The following SRF variants were observed in gnomAD, a reference collection of about 807,000 sequenced individuals.
SRF encodes the protein c-fos serum response element-binding transcription factor.
SRF carries 7 observed loss-of-function variants against 37.1 expected under a neutral mutation model. The observed-to-expected ratio is 0.19, with a 90% confidence interval of 0.11 to 0.35. The LOEUF is 0.35. Among genes scored for constraint, SRF ranks in the 10% least tolerant of loss-of-function variants. The probability of loss-of-function intolerance (pLI) is 1.00; values close to 1 mark genes in which losing one functional copy is unlikely to be tolerated. For synonymous variants in SRF, 285 were observed against 310.1 expected (o/e 0.92, Z 0.85); for missense variants, 395 against 694.4 (o/e 0.57, Z 4.85).
In SRF at chr6:43,172,462, G is replaced by A. The variant is rs892350487; in HGVS notation, c.513+293G>A. On this transcript the variant is annotated intron_variant, in intron 1 of 6. Coordinates refer to ENST00000265354, the MANE Select transcript of SRF (RefSeq NM_003131.4). This position sits in a 1 kb window ranked among gnomAD's most constrained non-coding sequence, Gnocchi z 5.7. ...TTGCTGAGTGAAGGGGTGAGGAGCG[G>A]TGATGGGAGGCTACGAGGCTGCCGG... 40 of 985,278 alleles carry A rather than the reference G, an allele frequency of 4.1e-5. No homozygotes were observed. The highest frequency in any genetic ancestry group is 6.1e-5 in the Admixed American group (1 of 16,262). The allele number at this position is 985,278 out of a possible 1,614,324, so 61.0% of individuals were successfully genotyped here. A position where few individuals can be genotyped will look rare whatever the true frequency, so the allele number is the denominator to read the frequency against.
rs984062462 is a variant in SRF at position 43,180,921 on chromosome 6, G to C, written c.*1731G>C. On this transcript the variant is annotated 3_prime_UTR_variant, in exon 7 of 7. Transcript: ENST00000265354. ...TCATTGCTGTCTTGCCCCAGTTTGG[G>C]GTGCCAAGATGGAAGTCACCTTTCT... 2.0e-5 allele frequency: 3 copies of C among 152,390 alleles called. No homozygotes were observed. The highest frequency in any genetic ancestry group is 2.9e-5 in the Non-Finnish European group (2 of 68,068). 9.4% of individuals were successfully genotyped at this position (152,390 alleles called of 1,614,324 possible). A position where few individuals can be genotyped will look rare whatever the true frequency, so the allele number is the denominator to read the frequency against.
chr6:43,171,712 G>C lies in SRF; in HGVS notation c.56G>C (p.Gly19Ala). The C allele has an allele frequency of 8.3e-7, 1 of 1,206,016 alleles. No homozygotes were observed. The highest frequency in any genetic ancestry group is 3.4e-5 in the East Asian group (1 of 29,266). 74.7% of individuals were successfully genotyped at this position (1,206,016 alleles called of 1,614,324 possible). Reference sequence around the variant, plus strand: ...GCTCTGGGCCGGGGCTCGGCCCTGGGGGGCAGCCTGAACCGGACCCCGACG... The same window carrying C: ...GCTCTGGGCCGGGGCTCGGCCCTGGCGGGCAGCCTGAACCGGACCCCGACG... ...AAALGRGSALGGSLNRTPTGR... is the reference protein window; with the variant it reads ...AAALGRGSALAGSLNRTPTGR... Residue 19 changes from glycine to alanine, a missense_variant, in exon 1 of 7, where the codon GGG becomes GCG. This residue lies in a region of SRF where 134 missense variants were observed against 204.5 expected (regional missense o/e 0.66). Transcript: ENST00000265354. This position sits in a 1 kb window ranked among gnomAD's most constrained non-coding sequence, Gnocchi z 6.5.
At position 43,178,270 on chromosome 6, in the gene SRF, C is replaced by T; in HGVS notation, c.1163-24C>T. On this transcript the variant is annotated intron_variant, in intron 4 of 6. Transcript: ENST00000265354. The surrounding 1 kb of genome is among the most constrained non-coding windows in gnomAD (Gnocchi z 4.3). ...GTTATCAGTGGGGACCAGTGCCGAG[C>T]TGACACATGTCTGTGTTTGCCAGTG... 6.3e-7 allele frequency: 1 copy of T among 1,577,470 alleles called. No individual in the cohort carries two copies. The highest frequency in any genetic ancestry group is 8.7e-7 in the Non-Finnish European group (1 of 1,154,990).
intron 2 of SRF, 83 bp downstream of exon 2, chr6:43,174,196 C>T: frequency 2.0e-6 from 3 of 1,527,558 alleles, no homozygotes; most frequent in Non-Finnish European, 2.7e-6. Context: ...GGATAGGTGC[C>T]CACCGATGTG....
In SRF at chr6:43,171,870, G is replaced by T. The variant is rs1434849307; in HGVS notation, c.214G>T (p.Ala72Ser). The T allele has an allele frequency of 1.5e-6, 2 of 1,336,086 alleles. No homozygotes were observed. Among genetic ancestry groups the T allele is most frequent in the African/African-American group, 3.1e-5 (2 of 64,750 alleles). The allele number at this position is 1,336,086 out of a possible 1,614,324, so 82.8% of individuals were successfully genotyped here. The change falls in exon 1 of 7, where the codon GCG (alanine) becomes TCG (serine). Residue 72 changes from alanine (A) to serine (S), a missense_variant. This residue lies in a region of SRF where 134 missense variants were observed against 204.5 expected (regional missense o/e 0.66). Coordinates refer to ENST00000265354, the MANE Select transcript of SRF (RefSeq NM_003131.4). The surrounding 1 kb of genome is among the most constrained non-coding windows in gnomAD (Gnocchi z 6.5). ...AAAATTPAPTAGALYSGSEGD... is the reference protein window; with the variant it reads ...AAAATTPAPTSGALYSGSEGD... Reference sequence around the variant, plus strand: ...GGCGGCAACCACCCCGGCGCCCACCGCGGGGGCCCTCTACAGCGGCAGCGA... The same window carrying T: ...GGCGGCAACCACCCCGGCGCCCACCTCGGGGGCCCTCTACAGCGGCAGCGA...
rs1037587996 is a variant in SRF at position 43,180,623 on chromosome 6, C to A, written c.*1433C>A. On this transcript the variant is annotated 3_prime_UTR_variant, in exon 7 of 7. Transcript: ENST00000265354. ...GGCCATGCCCCACCCCCCTCCTCCC[C>A]CTTTGGGGTAGACCTTGAGGGTGGG... 1 of 152,702 alleles carries A rather than the reference C, an allele frequency of 6.5e-6. No individual in the cohort carries two copies. The highest frequency in any genetic ancestry group is 2.1e-4 in the South Asian group (1 of 4,826). The allele number at this position is 152,702 out of a possible 1,614,324, so 9.5% of individuals were successfully genotyped here.
intron 2 of SRF, among the ~76,000 whole-genome samples, chr6:43,174,935 G>T (rs557741168): frequency 6.6e-6 from 1 of 152,312 alleles, no homozygotes; most frequent in South Asian, 2.1e-4. Context: ...GAGAGTCAGT[G>T]CTGTAGGCTA....
At chr6:43,175,499 G>C (rs572040989) in intron 2 of SRF, among the ~76,000 whole-genome samples, 3 of 152,128 alleles carry the variant, frequency 2.0e-5, no homozygotes, top group Non-Finnish European at 4.4e-5. Flanking sequence ...AGCAACCTAG[G>C]GGGTAGGTAT....
rs1452866898 is a variant in SRF at position 43,178,306 on chromosome 6, C to G, written c.1175C>G (p.Ala392Gly). Residue 392 changes from alanine to glycine, a missense_variant, in exon 5 of 7, where the codon GCC (alanine) becomes GGC (glycine). Coordinates refer to ENST00000265354, the MANE Select transcript of SRF (RefSeq NM_003131.4). This position sits in a 1 kb window ranked among gnomAD's most constrained non-coding sequence, Gnocchi z 4.3. The stretch of plus-strand genomic sequence containing the variant: ...CTGTGTTTGCCAGTGACGCTGCCCG[C>G]CACCATCATGACGTCATCCGTGCCC... ...TSSSGTVTLP[A>G]TIMTSSVPTT... 6.3e-7 allele frequency: 1 copy of G among 1,598,512 alleles called. No homozygotes were observed. Among genetic ancestry groups the G allele is most frequent in the Non-Finnish European group, 8.6e-7 (1 of 1,167,586 alleles).
chr6:43,171,838 C>A lies in SRF; in HGVS notation c.182C>A (p.Ala61Glu). The A allele has an allele frequency of 7.9e-7, 1 of 1,259,594 alleles. No homozygotes were observed. The highest frequency in any genetic ancestry group is 1.0e-6 in the Non-Finnish European group (1 of 1,004,138). 78.0% of individuals were successfully genotyped at this position (1,259,594 alleles called of 1,614,324 possible). Residue 61 changes from alanine (A) to glutamate (E), a missense_variant, in exon 1 of 7, where the codon GCG becomes GAG. Transcript: ENST00000265354. This position sits in a 1 kb window ranked among gnomAD's most constrained non-coding sequence, Gnocchi z 6.5. ...CCCGGCCGCCTGGAGCGGGAGGCTG[C>A]GGCAGCGGCGGCAACCACCCCGGCG... ...LGPGRLEREA[A>E]AAAATTPAPT...
rs1772268237 is a variant in SRF at position 43,179,488 on chromosome 6, A to T, written c.*298A>T. The T allele has an allele frequency of 2.3e-6, 1 of 442,760 alleles. No individual in the cohort carries two copies. The highest frequency in any genetic ancestry group is 4.2e-6 in the Non-Finnish European group (1 of 237,018). The allele number at this position is 442,760 out of a possible 1,614,324, so 27.4% of individuals were successfully genotyped here. ...TGGCTCGATGTTTGCCATGAGTATT[A>T]GCTTACCCAATGGGACCGTGCCCCA... is the stretch of plus-strand genomic sequence containing the variant. On this transcript the variant is annotated 3_prime_UTR_variant, in exon 7 of 7. Transcript: ENST00000265354. This position sits in a 1 kb window ranked among gnomAD's most constrained non-coding sequence, Gnocchi z 5.3.
chr6:43,178,890 G>A lies in SRF; in HGVS notation c.1431+8G>A. The stretch of plus-strand genomic sequence containing the variant: ...GCAGTTCAGCTCCACCAGGTAGGTA[G>A]GGATATCTTTCACCCCATCCCAGAT... On this transcript the variant is annotated splice_region_variant and intron_variant, in intron 6 of 6. Transcript: ENST00000265354. This position sits in a 1 kb window ranked among gnomAD's most constrained non-coding sequence, Gnocchi z 4.3. 2 of 1,613,954 alleles carry A rather than the reference G, an allele frequency of 1.2e-6. No homozygotes were observed. Among genetic ancestry groups the A allele is most frequent in the Non-Finnish European group, 8.5e-7 (1 of 1,179,812 alleles).
chr6:43,178,237 G>A lies in SRF; in HGVS notation c.1163-57G>A. 1 of 1,518,658 alleles carries A rather than the reference G, an allele frequency of 6.6e-7. No individual in the cohort carries two copies. Among genetic ancestry groups the A allele is most frequent in the East Asian group, 2.4e-5 (1 of 42,552 alleles). The allele number at this position is 1,518,658 out of a possible 1,614,324, so 94.1% of individuals were successfully genotyped here. A position where few individuals can be genotyped will look rare whatever the true frequency, so the allele number is the denominator to read the frequency against. On this transcript the variant is annotated intron_variant, in intron 4 of 6. Coordinates refer to ENST00000265354, the MANE Select transcript of SRF (RefSeq NM_003131.4). This position sits in a 1 kb window ranked among gnomAD's most constrained non-coding sequence, Gnocchi z 4.3. The stretch of plus-strand genomic sequence containing the variant: ...TGGGGGCCTGGAATTCCTAGGGACG[G>A]AATGGGAGTTATCAGTGGGGACCAG...
intron 4 of SRF, among the ~76,000 whole-genome samples, chr6:43,177,858 T>A (rs531069766): frequency 1.4e-5 from 2 of 142,686 alleles, no homozygotes; most frequent in African/African-American, 5.3e-5. Flanking sequence ...GAGCTTGCAG[T>A]GAGCCAAGAT....
In SRF at chr6:43,172,388, G is replaced by A; in HGVS notation, c.513+219G>A. On this transcript the variant is annotated intron_variant, in intron 1 of 6. Transcript: ENST00000265354. The surrounding 1 kb of genome is among the most constrained non-coding windows in gnomAD (Gnocchi z 5.7). ...ATCCCGCGAACGCTCGCAACCGTGGGGAAAGGCGCAGAGGTGGGAGTGACC... is the reference window on the plus strand; with the variant it reads ...ATCCCGCGAACGCTCGCAACCGTGGAGAAAGGCGCAGAGGTGGGAGTGACC... The A allele has an allele frequency of 3.0e-6, 3 of 985,398 alleles. No homozygotes were observed. Among genetic ancestry groups the A allele is most frequent in the Non-Finnish European group, 3.6e-6 (3 of 829,924 alleles). 61.0% of individuals were successfully genotyped at this position (985,398 alleles called of 1,614,324 possible).
At position 43,180,223 on chromosome 6, in the gene SRF, C is replaced by T. The variant is rs1772285142; in HGVS notation, c.*1033C>T. 6.7e-6 allele frequency: 1 copy of T among 149,800 alleles called. No homozygotes were observed. Among genetic ancestry groups the T allele is most frequent in the Non-Finnish European group, 1.5e-5 (1 of 68,016 alleles). 9.3% of individuals were successfully genotyped at this position (149,800 alleles called of 1,614,324 possible). On this transcript the variant is annotated 3_prime_UTR_variant, in exon 7 of 7. Coordinates refer to ENST00000265354, the MANE Select transcript of SRF (RefSeq NM_003131.4). ...CTGGGCCTCTTTTTGCCCTTTAGGG[C>T]TGTTGCTAGGGAGAGGGAAGAGGGA...
chr6:43,173,984 C>G lies in SRF; in HGVS notation c.651C>G (p.Thr217=). 1 of 1,614,166 alleles carries G rather than the reference C, an allele frequency of 6.2e-7. No individual in the cohort carries two copies. The highest frequency in any genetic ancestry group is 8.5e-7 in the Non-Finnish European group (1 of 1,180,024). The stretch of plus-strand genomic sequence containing the variant: ...AGACCGGCAAGGCACTGATTCAGAC[C>G]TGCCTCAACTCGCCAGACTCTCCAC... ...TSETGKALIQ[T]CLNSPDSPPR... The change falls in exon 2 of 7, where the codon ACC becomes ACG. Residue 217 remains threonine, a synonymous_variant. Coordinates refer to ENST00000265354, the MANE Select transcript of SRF (RefSeq NM_003131.4). The surrounding 1 kb of genome is among the most constrained non-coding windows in gnomAD (Gnocchi z 4.2).
In SRF at chr6:43,179,506, G is replaced by A. The variant is rs1490091667; in HGVS notation, c.*316G>A. On this transcript the variant is annotated 3_prime_UTR_variant, in exon 7 of 7. Coordinates refer to ENST00000265354, the MANE Select transcript of SRF (RefSeq NM_003131.4). The surrounding 1 kb of genome is among the most constrained non-coding windows in gnomAD (Gnocchi z 5.3). ...GAGTATTAGCTTACCCAATGGGACC[G>A]TGCCCCACCTCCCCACACACAGGCC... The A allele has an allele frequency of 1.3e-5, 5 of 376,600 alleles. No individual in the cohort carries two copies. Among genetic ancestry groups the A allele is most frequent in the Non-Finnish European group, 2.5e-5 (5 of 197,824 alleles). The allele number at this position is 376,600 out of a possible 1,614,324, so 23.3% of individuals were successfully genotyped here. A position where few individuals can be genotyped will look rare whatever the true frequency, so the allele number is the denominator to read the frequency against.
chr6:43,173,833 T>G lies in SRF; in HGVS notation c.514-14T>G. 6.2e-7 allele frequency: 1 copy of G among 1,608,524 alleles called. No homozygotes were observed. Among genetic ancestry groups the G allele is most frequent in the East Asian group, 2.2e-5 (1 of 44,726 alleles). ...AAGTTTGCTGACCTGCCCATCTCCC[T>G]CCTCACCCCTCAGGCCTATGAGCTG... is the stretch of plus-strand genomic sequence containing the variant. On this transcript the variant is annotated splice_polypyrimidine_tract_variant and intron_variant, in intron 1 of 6. Transcript: ENST00000265354. The surrounding 1 kb of genome is among the most constrained non-coding windows in gnomAD (Gnocchi z 4.2).
Sources: gnomAD v4.1 joint callset for allele counts (sites outside exome capture counted in the v4.1 genomes callset) on GRCh38, gnomAD v4.1.1 for gene constraint, gnomAD v4.1.1 regional missense constraint, Gnocchi (gnomAD v3.1) non-coding constraint, MANE v1.5 for transcripts, NCBI Gene and HGNC (gene_info 2026-07-23, HGNC 2026-07-21) for gene names.